The following CD44 variants were observed in gnomAD, a reference collection of about 807,000 sequenced individuals.
CD44 encodes the protein CD44 antigen.
CD44 carries 49 observed loss-of-function variants against 88.8 expected under a neutral mutation model. That is an observed-to-expected ratio of 0.55 (90% CI 0.44 to 0.70). The LOEUF (loss-of-function observed/expected upper bound fraction) is 0.70. CD44 is among the 30% of genes least tolerant of loss of function. The probability of loss-of-function intolerance (pLI) is 0.00; values close to 1 mark genes in which losing one functional copy is unlikely to be tolerated. For missense variants in CD44, 883 were observed against 913.8 expected (o/e 0.97, Z 0.43); for synonymous variants, 325 against 312.3 (o/e 1.04, Z -0.43).
intron 17 of CD44, among the ~76,000 whole-genome samples, chr11:35,222,221 C>CT (rs1949358459): frequency 6.6e-6 from 1 of 152,190 alleles, no homozygotes; most frequent in Non-Finnish European, 1.5e-5. Context: ...CCCCTGTAGC[C>CT]TCTCTGAGGC....
intron 1 of CD44, among the ~76,000 whole-genome samples, chr11:35,163,605 C>T (rs1260559767): frequency 6.6e-6 from 1 of 152,114 alleles, no homozygotes; most frequent in Non-Finnish European, 1.5e-5. Flanking sequence ...CAGGGTCAGC[C>T]CTGTTTAGGC....
chr11:35,198,503 G>A, intron 7 of CD44: 1 of 432,514 alleles, frequency 2.3e-6, no homozygotes, highest in Non-Finnish European at 4.2e-6. Flanking sequence ...GCTACAGATT[G>A]TCTTTGAATG....
At chr11:35,192,562 A>G (rs77548134) in intron 5 of CD44, among the ~76,000 whole-genome samples, 161 of 152,248 alleles carry the variant, frequency 1.1e-3, no homozygotes, top group African/African-American at 3.7e-3. Flanking sequence ...CGGCTGGCTC[A>G]TTCCTTCCTG....
Position 35,211,337 on chromosome 11 carries a change from C to A in CD44, c.1698C>A (p.His566Gln), listed in dbSNP as rs1408109327. 1.2e-6 allele frequency: 2 copies of A among 1,613,818 alleles called. No homozygotes were observed. The highest frequency in any genetic ancestry group is 2.2e-5 in the East Asian group (1 of 44,890). ...LLEGYTSHYP[H>Q]TKESRTFIPV... The stretch of plus-strand genomic sequence containing the variant: ...AAGGTTATACCTCTCATTACCCACA[C>A]ACGAAGGAAAGCAGGACCTTCATCC... Residue 566 changes from histidine to glutamine, a missense_variant, in exon 14 of 18, where the codon CAC (histidine) becomes CAA (glutamine). Transcript: ENST00000428726.
intron 1 of CD44, among the ~76,000 whole-genome samples, chr11:35,150,825 C>G (rs921582565): frequency 1.3e-5 from 2 of 152,180 alleles, no homozygotes; most frequent in African/African-American, 4.8e-5. Context: ...TGGGCAAGGT[C>G]CTTCCCCTGT....
chr11:35,170,709 G>A (rs1943776673), intron 1 of CD44, among the ~76,000 whole-genome samples: 4 of 152,230 alleles, frequency 2.6e-5, no homozygotes, highest in Admixed American at 2.0e-4. Context: ...GATGCAATCA[G>A]CCATTTAGTA....
intron 1 of CD44, among the ~76,000 whole-genome samples, chr11:35,143,109 T>C (rs1220683487): frequency 6.6e-6 from 1 of 152,126 alleles, no homozygotes; most frequent in Non-Finnish European, 1.5e-5. Flanking sequence ...CAGTTTTATA[T>C]ATTACTCTAC....
At chr11:35,159,458 A>AT (rs945133350) in intron 1 of CD44, among the ~76,000 whole-genome samples, 3 of 152,212 alleles carry the variant, frequency 2.0e-5, no homozygotes, top group Non-Finnish European at 2.9e-5. Flanking sequence ...AGTGCAGATG[A>AT]TTTTTTCATG....
intron 1 of CD44, among the ~76,000 whole-genome samples, chr11:35,146,840 G>A (rs1273004791): frequency 6.6e-6 from 1 of 152,344 alleles, no homozygotes; most frequent in Admixed American, 6.5e-5. Flanking sequence ...AGTTGTGGGT[G>A]AGGTCATAAC....
chr11:35,163,290 T>C (rs1942869231), intron 1 of CD44, among the ~76,000 whole-genome samples: 1 of 152,052 alleles, frequency 6.6e-6, no homozygotes, highest in Non-Finnish European at 1.5e-5. Context: ...CTCATGGTTG[T>C]TCCTAGAAAA....
At chr11:35,187,571 C>T (rs536450237) in intron 4 of CD44, among the ~76,000 whole-genome samples, 5 of 152,160 alleles carry the variant, frequency 3.3e-5, no homozygotes, top group Admixed American at 6.5e-5. Flanking sequence ...AACATCACAT[C>T]GTAAATAGAA....
rs1000780117 is a variant in CD44 at position 35,186,813 on chromosome 11, T to A, written c.368-19T>A. The A allele has an allele frequency of 6.6e-7, 1 of 1,521,416 alleles. No individual in the cohort carries two copies. The highest frequency in any genetic ancestry group is 1.7e-5 in the Admixed American group (1 of 59,634). The allele number at this position is 1,521,416 out of a possible 1,614,324, so 94.2% of individuals were successfully genotyped here. A position where few individuals can be genotyped will look rare whatever the true frequency, so the allele number is the denominator to read the frequency against. On this transcript the variant is annotated intron_variant, in intron 3 of 17. Transcript: ENST00000428726. ...TCATGTTTTTAAAGGGTTCTCATCC[T>A]TTTTTTCCTACCTCATAGCTCCACC...
chr11:35,146,842 G>A (rs780867972), intron 1 of CD44, among the ~76,000 whole-genome samples: 2 of 152,214 alleles, frequency 1.3e-5, no homozygotes, highest in Non-Finnish European at 2.9e-5. Context: ...TTGTGGGTGA[G>A]GTCATAACAT....
At chr11:35,207,341 T>C (rs1947963793) in intron 11 of CD44, among the ~76,000 whole-genome samples, 1 of 152,258 alleles carries the variant, frequency 6.6e-6, no homozygotes, top group Non-Finnish European at 1.5e-5. Flanking sequence ...TGGATAGACT[T>C]TGACTGAATT....
chr11:35,171,142 C>T (rs377571440), intron 1 of CD44, among the ~76,000 whole-genome samples: 3 of 152,184 alleles, frequency 2.0e-5, no homozygotes, highest in East Asian at 1.9e-4. Flanking sequence ...AATATCCTCC[C>T]GGGTAATAAT....
intron 7 of CD44, 64 bp from the exon 8 acceptor site, chr11:35,201,017 CG>C (rs1947264272): frequency 2.1e-5 from 23 of 1,108,904 alleles, no homozygotes; most frequent in Non-Finnish European, 3.1e-5. Flanking sequence ...AGACTATGTG[CG>C]GGACAAGTGG....
chr11:35,191,945 A>G (rs1946312444), intron 5 of CD44, among the ~76,000 whole-genome samples: 2 of 152,224 alleles, frequency 1.3e-5, no homozygotes, highest in South Asian at 4.1e-4. Context: ...TTACTGAGAT[A>G]TTTATTCATT....
rs1041668880 is a variant in CD44, at chr11:35,229,633, A to G, written c.*300A>G. ...GTGCTATGGATGGCTTCTAACAAAA[A>G]CTACACATATGTATTCCTGATCGCC... is the stretch of plus-strand genomic sequence containing the variant. On this transcript the variant is annotated 3_prime_UTR_variant, in exon 18 of 18. Transcript: ENST00000428726. 5.7e-5 allele frequency: 20 copies of G among 353,190 alleles called. No homozygotes were observed. The highest frequency in any genetic ancestry group is 2.1e-5 in the African/African-American group (1 of 48,096). The allele number at this position is 353,190 out of a possible 1,614,324, so 21.9% of individuals were successfully genotyped here. A position where few individuals can be genotyped will look rare whatever the true frequency, so the allele number is the denominator to read the frequency against.
At chr11:35,218,713 G>A (rs1185198913) in intron 15 of CD44, among the ~76,000 whole-genome samples, 1 of 152,062 alleles carries the variant, frequency 6.6e-6, no homozygotes, top group Admixed American at 6.5e-5. Flanking sequence ...GTCCCCTGGG[G>A]GTCTTGTTAA....
Sources: allele counts gnomAD v4.1 joint callset (sites outside exome capture counted in the v4.1 genomes callset), GRCh38; gene constraint gnomAD v4.1.1; transcripts MANE v1.5; gene names NCBI Gene and HGNC (gene_info 2026-07-23, HGNC 2026-07-21).